Variants in ARHGAP45 observed in about 807,000 individuals in gnomAD.
ARHGAP45 encodes Rho GTPase activating protein 45, also known as rho GTPase-activating protein 45.
Under a neutral mutation model 116.1 loss-of-function variants are expected in ARHGAP45, and 56 were observed. That is an observed-to-expected ratio of 0.48 (90% CI 0.39 to 0.60). The LOEUF is 0.60. ARHGAP45 is among the 20% of genes least tolerant of loss of function. The pLI is 0.00. For missense variants in ARHGAP45, 1,622 were observed against 1,601.0 expected (o/e 1.01, Z -0.22); for synonymous variants, 866 against 701.7 (o/e 1.23, Z -3.70).
intron 22 of ARHGAP45, 124 bp downstream of exon 22, chr19:1,084,470 C>T (rs2043541748): frequency 4.4e-6 from 3 of 688,010 alleles, no homozygotes; most frequent in Admixed American, 3.1e-5. Flanking sequence ...CTGTGGATTT[C>T]GTCTGCCACG....
intron 22 of ARHGAP45, 38 bp downstream of exon 22, chr19:1,084,384 T>C (rs1266913377): frequency 6.6e-7 from 1 of 1,525,924 alleles, no homozygotes; most frequent in Non-Finnish European, 9.0e-7. Flanking sequence ...CAAGGGAGGC[T>C]GGCGTGTGCC....
Position 1,073,564 on chromosome 19 carries a change from G to A in ARHGAP45, c.624G>A (p.Glu208=), listed in dbSNP as rs745980364. Residue 208 remains glutamate (E), a synonymous_variant, in exon 4 of 23, where the codon GAG becomes GAA. Transcript: ENST00000313093. ...LEKQEFEKAL[E]TIAVAFSSTV... is the part of the protein sequence containing the mutation. ...AACAGGAGTTCGAGAAGGCCCTGGA[G>A]ACGATTGCTGTGGCCTTCAGTAGCA... 1.2e-6 allele frequency: 2 copies of A among 1,614,028 alleles called. No individual in the cohort carries two copies. Among genetic ancestry groups the A allele is most frequent in the East Asian group, 2.2e-5 (1 of 44,890 alleles).
upstream of ARHGAP45, chr19:1,067,074 C>A: frequency 2.6e-6 from 2 of 766,472 alleles, no homozygotes; most frequent in Non-Finnish European, 1.6e-6. Flanking sequence ...CCGGTCCCAC[C>A]CCGCGAGCGG....
chr19:1,085,521 T>TGTCTC, intron 22 of ARHGAP45, 139 bp from the exon 23 acceptor site: 1 of 633,044 alleles, frequency 1.6e-6, no homozygotes, highest in South Asian at 2.0e-5. Context: ...CCATCTCTCC[T>TGTCTC]GTCTCTCCCC....
At chr19:1,085,427 C>T (rs998904373) in intron 22 of ARHGAP45, among the ~76,000 whole-genome samples, 1 of 151,530 alleles carries the variant, frequency 6.6e-6, no homozygotes, top group African/African-American at 2.4e-5. Context: ...ATCAACACCT[C>T]TCTCCTTCCG....
chr19:1,085,353 A>G (rs2043576757), intron 22 of ARHGAP45, among the ~76,000 whole-genome samples: 1 of 152,222 alleles, frequency 6.6e-6, no homozygotes, highest in East Asian at 1.9e-4. Flanking sequence ...GCTCCCTCCC[A>G]CAACACGTGG....
chr19:1,077,422 G>A (rs1331228935), intron 10 of ARHGAP45: 32 of 995,260 alleles, frequency 3.2e-5, no homozygotes, highest in Admixed American at 6.1e-5. Context: ...GCCCAGGCTG[G>A]AGTGCAGTGG....
At chr19:1,085,539 C>G (rs2145104117) in intron 22 of ARHGAP45, 121 bp from the exon 23 acceptor site, 1 of 711,900 alleles carries the variant, frequency 1.4e-6, no homozygotes, top group East Asian at 2.8e-5. Flanking sequence ...CCCATCTCTC[C>G]TGTCTCTCCA....
chr19:1,084,259 G>A lies in ARHGAP45; in HGVS notation c.2977G>A (p.Ala993Thr), dbSNP rs536596194. ...GCAGGACGAGTCATCCAACCAGCGA[G>A]CTGAGGTAGTCGTCCAGGTGCCGTA... ...GGQDESSNQR[A>T]EVVVQVPYLE... The change falls in exon 22 of 23, where the codon GCT becomes ACT. Residue 993 changes from alanine to threonine, a missense_variant. This residue lies in a region of ARHGAP45 where 1,334 missense variants were observed against 1,263.8 expected (regional missense o/e 1.06). Transcript: ENST00000313093. 5.6e-6 allele frequency: 9 copies of A among 1,613,542 alleles called. No individual in the cohort carries two copies. Among genetic ancestry groups the A allele is most frequent in the Non-Finnish European group, 7.6e-6 (9 of 1,179,934 alleles).
chr19:1,067,107 C>A, upstream of ARHGAP45: 3 of 1,047,750 alleles, frequency 2.9e-6, no homozygotes, highest in Non-Finnish European at 2.3e-6. Flanking sequence ...CTCCCGAAGG[C>A]GGAAGCGGGG....
Position 1,085,603 on chromosome 19 carries a change from T to C in ARHGAP45, c.3065-57T>C, listed in dbSNP as rs1254865401. On this transcript the variant is annotated intron_variant, in intron 22 of 22. Transcript: ENST00000313093. ...CATCTCTCCTGTCTGTCCCTCCCCT[T>C]GTCTCTCCTCCATCTCTCCTGTCTG... The C allele has an allele frequency of 3.1e-6, 4 of 1,310,730 alleles. No homozygotes were observed. The Admixed American group carries it at 9.5e-5, about 31-fold the overall frequency. 81.2% of individuals were successfully genotyped at this position (1,310,730 alleles called of 1,614,324 possible). A position where few individuals can be genotyped will look rare whatever the true frequency, so the allele number is the denominator to read the frequency against.
At position 1,068,906 on chromosome 19, in the gene ARHGAP45, G is replaced by C. The variant is rs1031126442; in HGVS notation, c.421+162G>C. On this transcript the variant is annotated intron_variant, in intron 2 of 22. Transcript: ENST00000313093. The surrounding 1 kb of genome is among the most constrained non-coding windows in gnomAD (Gnocchi z 7.5). ...CAGCTAAGGCTCTGAGGGATGTGTA[G>C]GAGTTTGGTGGGGGAGTCCCTGAGC... Among the ~76,000 whole-genome samples the C allele has an allele frequency of 1.3e-5, 2 of 152,114 alleles. No homozygotes were observed. The highest frequency in any genetic ancestry group is 6.5e-5 in the Admixed American group (1 of 15,268).
chr19:1,080,454 C>T lies in ARHGAP45; in HGVS notation c.1829-10C>T. ...CCCTGGCCCTTCACCAGAGACGCCT[C>T]TTTCTCCAGCCGGGCGAGGACACCA... On this transcript the variant is annotated splice_polypyrimidine_tract_variant and intron_variant, in intron 14 of 22. Transcript: ENST00000313093. 1 of 1,612,586 alleles carries T rather than the reference C, an allele frequency of 6.2e-7. No individual in the cohort carries two copies. The highest frequency in any genetic ancestry group is 8.5e-7 in the Non-Finnish European group (1 of 1,179,868).
chr19:1,068,619 GC>G lies in ARHGAP45; in HGVS notation c.299del (p.Pro100ArgfsTer72). 2 of 1,611,632 alleles carry G rather than the reference GC, an allele frequency of 1.2e-6. No homozygotes were observed. Among genetic ancestry groups the G allele is most frequent in the Non-Finnish European group, 1.7e-6 (2 of 1,179,358 alleles). ...RSHRSPLTAA[S>X]PGELPTEGAG... ...CACCGGAGCCCACTGACAGCCGCCA[GC>G]CCGGGCGAGCTGCCCACCGAGGGTG... On this transcript the variant is annotated frameshift_variant, in exon 2 of 23. Transcript: ENST00000313093. LOFTEE classifies it high-confidence loss of function. The surrounding 1 kb of genome is among the most constrained non-coding windows in gnomAD (Gnocchi z 7.5).
chr19:1,073,881 C>T, intron 5 of ARHGAP45, 67 bp from the exon 6 acceptor site: 1 of 1,530,634 alleles, frequency 6.5e-7, no homozygotes, highest in Non-Finnish European at 8.8e-7. Flanking sequence ...AGCAACCGTC[C>T]CCTGAAGGGT....
chr19:1,083,139 G>A lies in ARHGAP45; in HGVS notation c.2745-4G>A. ...TCAGCACCTGGCCCCTGCCCACCCC[G>A]CAGGATCGTGGAGGTGGAGCAGGAC... is the stretch of plus-strand genomic sequence containing the variant. On this transcript the variant is annotated splice_region_variant and splice_polypyrimidine_tract_variant and intron_variant, in intron 20 of 22. Coordinates refer to ENST00000313093, the MANE Select transcript of ARHGAP45 (RefSeq NM_012292.5). 2 of 1,603,914 alleles carry A rather than the reference G, an allele frequency of 1.2e-6. No individual in the cohort carries two copies. The highest frequency in any genetic ancestry group is 1.7e-6 in the Non-Finnish European group (2 of 1,177,538).
intron 2 of ARHGAP45, among the ~76,000 whole-genome samples, chr19:1,070,853 C>A (rs112910450): frequency 0.014 from 2,126 of 152,296 alleles, 51 homozygotes; most frequent in African/African-American, 0.049. Context: ...GATGTGGGCT[C>A]TAGTCCCGAT....
chr19:1,085,568 TGTCTC>T, intron 22 of ARHGAP45, 87 bp from the exon 23 acceptor site: 1 of 756,448 alleles, frequency 1.3e-6, no homozygotes, highest in Non-Finnish European at 2.0e-6. Flanking sequence ...CCCCCTCTCC[TGTCTC>T]TCCCCATCTC....
chr19:1,066,277 CG>C, upstream of ARHGAP45: 1 of 195,554 alleles, frequency 5.1e-6, no homozygotes, highest in Non-Finnish European at 7.9e-6. Flanking sequence ...GTTCACACTG[CG>C]GGGTGGGGGT....
Sources: allele counts gnomAD v4.1 joint callset (sites outside exome capture counted in the v4.1 genomes callset), GRCh38; gene constraint gnomAD v4.1.1; regional missense constraint gnomAD v4.1.1; non-coding constraint Gnocchi (gnomAD v3.1); transcripts MANE v1.5; gene names NCBI Gene and HGNC (gene_info 2026-07-23, HGNC 2026-07-21).